MXI1: variants seen among roughly 807,000 people sequenced by gnomAD.
MXI1 encodes the protein MAX interactor 1, dimerization protein, also known as max-interacting protein 1.
In MXI1, 18 loss-of-function variants were observed where a neutral mutation model predicts 36.9. The ratio of observed to expected loss-of-function variants is 0.49; its 90% confidence interval spans 0.34 to 0.72. The LOEUF (loss-of-function observed/expected upper bound fraction) is 0.72. Among genes scored for constraint, MXI1 ranks in the 30% least tolerant of loss-of-function variants. The probability of loss-of-function intolerance (pLI) is 0.01; values close to 1 mark genes in which losing one functional copy is unlikely to be tolerated. For synonymous variants in MXI1, 160 were observed against 146.7 expected (o/e 1.09, Z -0.65); for missense variants, 304 against 379.1 (o/e 0.80, Z 1.64).
intron 3 of MXI1, among the ~76,000 whole-genome samples, chr10:110,249,870 G>A (rs1404007707): frequency 6.6e-6 from 1 of 152,158 alleles, no homozygotes; most frequent in Non-Finnish European, 1.5e-5. Flanking sequence ...GAGATTTGGA[G>A]TAGGTGATTT....
At chr10:110,223,497 G>T (rs554777825) in intron 1 of MXI1, among the ~76,000 whole-genome samples, 1 of 152,012 alleles carries the variant, frequency 6.6e-6, no homozygotes, top group East Asian at 1.9e-4. Flanking sequence ...AGGAGAACCC[G>T]GGAGGTGGAG....
intron 2 of MXI1, among the ~76,000 whole-genome samples, chr10:110,241,977 A>G (rs1442317114): frequency 6.6e-6 from 1 of 150,652 alleles, no homozygotes; most frequent in East Asian, 2.1e-4. Flanking sequence ...TGAGTGACAG[A>G]GTTAATATTT....
At chr10:110,234,247 A>G (rs1855377991) in intron 2 of MXI1, among the ~76,000 whole-genome samples, 1 of 152,150 alleles carries the variant, frequency 6.6e-6, no homozygotes, top group South Asian at 2.1e-4. Context: ...ATATAGCATG[A>G]TTCTTTGTCA....
At chr10:110,224,440 C>A (rs541320317) in intron 1 of MXI1, among the ~76,000 whole-genome samples, 63 of 152,274 alleles carry the variant, frequency 4.1e-4, no homozygotes, top group African/African-American at 1.4e-3. Context: ...TGGTGTGCTA[C>A]TGGCATCTAG....
At chr10:110,283,764 T>C in intron 5 of MXI1, among the ~76,000 whole-genome samples, 1 of 151,942 alleles carries the variant, frequency 6.6e-6, no homozygotes, top group South Asian at 2.1e-4. Context: ...GAATATCTAG[T>C]ATTTAACAAT....
intron 1 of MXI1, chr10:110,227,627 G>C: frequency 1.1e-6 from 1 of 887,818 alleles, no homozygotes; most frequent in Non-Finnish European, 1.4e-6. Context: ...CTGAGCGGGG[G>C]AAAACCGGTG....
At chr10:110,226,114 A>G (rs1449181529) in intron 1 of MXI1, 4 of 1,202,148 alleles carry the variant, frequency 3.3e-6, no homozygotes, top group Non-Finnish European at 4.1e-6. Flanking sequence ...CCCGTCGCAC[A>G]TGTTCCGGAA....
chr10:110,280,201 T>G, intron 5 of MXI1, 116 bp downstream of exon 5: 1 of 851,118 alleles, frequency 1.2e-6, no homozygotes, highest in South Asian at 3.0e-5. Context: ...AGTAACATTG[T>G]AGGTTTTATG....
At chr10:110,274,846 G>C (rs1235567091) in intron 3 of MXI1, among the ~76,000 whole-genome samples, 1 of 147,380 alleles carries the variant, frequency 6.8e-6, no homozygotes, top group African/African-American at 2.5e-5. Flanking sequence ...TATGATACTT[G>C]CAGTTTTTTT....
At chr10:110,283,833 T>G (rs900410420) in intron 5 of MXI1, among the ~76,000 whole-genome samples, 12 of 152,036 alleles carry the variant, frequency 7.9e-5, no homozygotes, top group African/African-American at 2.7e-4. Flanking sequence ...CAGGCTGAAG[T>G]GCAGTGGTGA....
At chr10:110,232,380 T>C (rs1387616716) in intron 2 of MXI1, among the ~76,000 whole-genome samples, 1 of 152,326 alleles carries the variant, frequency 6.6e-6, no homozygotes, top group African/African-American at 2.4e-5. Flanking sequence ...TCCCCCTTTG[T>C]TATCTCTGTT....
intron 1 of MXI1, among the ~76,000 whole-genome samples, chr10:110,213,174 G>A (rs2134324536): frequency 6.6e-6 from 1 of 152,322 alleles, no homozygotes; most frequent in East Asian, 1.9e-4. Flanking sequence ...GACCTGAAGA[G>A]CTGAGACTGC....
At chr10:110,229,876 A>G (rs1189671006) in intron 2 of MXI1, among the ~76,000 whole-genome samples, 3 of 152,112 alleles carry the variant, frequency 2.0e-5, no homozygotes, top group Non-Finnish European at 4.4e-5. Flanking sequence ...ACTTGGAGAC[A>G]TAGGAAGAGT....
At chr10:110,238,706 G>GT (rs35365331) in intron 2 of MXI1, among the ~76,000 whole-genome samples, 1 of 151,874 alleles carries the variant, frequency 6.6e-6, no homozygotes, top group Admixed American at 6.6e-5. Flanking sequence ...TTGTGGGAAG[G>GT]TTTTTTTAAA....
chr10:110,261,051 G>A, intron 3 of MXI1: 4 of 984,684 alleles, frequency 4.1e-6, no homozygotes, highest in Non-Finnish European at 3.6e-6. Context: ...TATACCAGGA[G>A]GAAAGAGCAC....
At chr10:110,241,093 T>C (rs1046815525) in intron 2 of MXI1, among the ~76,000 whole-genome samples, 2 of 152,022 alleles carry the variant, frequency 1.3e-5, no homozygotes, top group Admixed American at 1.3e-4. Context: ...AAAAGTCACA[T>C]ATCTGGTTAA....
intron 1 of MXI1, among the ~76,000 whole-genome samples, chr10:110,215,030 A>ATTTTTT: frequency 1.0e-5 from 1 of 98,924 alleles, no homozygotes; most frequent in African/African-American, 5.0e-5. Context: ...GCTCCACTTC[A>ATTTTTT]GTTTTTTTTT....
chr10:110,262,316 T>G (rs1330104742), intron 3 of MXI1, among the ~76,000 whole-genome samples: 1 of 152,304 alleles, frequency 6.6e-6, no homozygotes, highest in South Asian at 2.1e-4. Flanking sequence ...TAGAGGAGGA[T>G]GTACATAGGT....
intron 1 of MXI1, among the ~76,000 whole-genome samples, chr10:110,222,266 G>T (rs1590332788): frequency 6.6e-6 from 1 of 152,158 alleles, no homozygotes; most frequent in Non-Finnish European, 1.5e-5. Flanking sequence ...AAAGATAATT[G>T]CAGAAAACAG....
Sources: allele counts gnomAD v4.1 joint callset (sites outside exome capture counted in the v4.1 genomes callset), GRCh38; gene constraint gnomAD v4.1.1; transcripts MANE v1.5; gene names NCBI Gene and HGNC (gene_info 2026-07-23, HGNC 2026-07-21).